Variants in MDGA2 observed in about 807,000 individuals in gnomAD.
MDGA2 encodes MAM domain-containing glycosylphosphatidylinositol anchor protein 2.
A neutral mutation model predicts 117.8 loss-of-function variants in MDGA2; 40 were observed. That is an observed-to-expected ratio of 0.34 (90% CI 0.26 to 0.44). MDGA2 has a LOEUF of 0.44. Ranked by LOEUF, MDGA2 falls within the 20% of genes least tolerant of loss-of-function variation. The probability of loss-of-function intolerance (pLI) is 1.00; values close to 1 mark genes in which losing one functional copy is unlikely to be tolerated. For synonymous variants in MDGA2, 452 were observed against 439.0 expected, an observed-to-expected ratio of 1.03 and a Z score of -0.37; for missense variants, 1,123 against 1,250.6, an observed-to-expected ratio of 0.90 and a Z score of 1.54.
chr14:46,923,169 C>A lies in MDGA2; in HGVS notation c.2090-3009G>T, dbSNP rs542770583. Among the ~76,000 whole-genome samples the A allele has an allele frequency of 5.5e-4, 84 of 152,048 alleles. 1 individual carries two copies. The highest frequency in any genetic ancestry group is 2.9e-3 in the Admixed American group (45 of 15,266). On this transcript the variant is annotated intron_variant, in intron 9 of 16. Transcript: ENST00000399232. ...GTAAAAAATTAAGCTCCAATCTAAC[C>A]CATTAAAATATTGCAAATATATCAA...
chr14:47,338,652 G>C (rs1890530543), intron 1 of MDGA2, among the ~76,000 whole-genome samples: 1 of 152,002 alleles, frequency 6.6e-6, no homozygotes, highest in Non-Finnish European at 1.5e-5. Context: ...ATTCTGCAAA[G>C]ATGTAGTGGT....
At chr14:47,602,466 T>TA (rs11375173) in intron 1 of MDGA2, among the ~76,000 whole-genome samples, 22,885 of 149,186 alleles carry the variant, frequency 0.15, 1,893 homozygotes, top group Non-Finnish European at 0.2. Flanking sequence ...GCTCTTTATT[T>TA]AAAAAAAAAA....
chr14:47,327,312 G>C, intron 1 of MDGA2, among the ~76,000 whole-genome samples: 1 of 152,224 alleles, frequency 6.6e-6, no homozygotes, highest in East Asian at 1.9e-4. Context: ...GGGTTAGAGA[G>C]TGAGTATGGA....
intron 1 of MDGA2, among the ~76,000 whole-genome samples, chr14:47,633,032 A>G (rs1283493596): frequency 6.6e-6 from 1 of 152,182 alleles, no homozygotes; most frequent in East Asian, 1.9e-4. Context: ...ATGCTTGTAA[A>G]GTGGTTGGCA....
intron 1 of MDGA2, among the ~76,000 whole-genome samples, chr14:47,403,604 G>A (rs1306445787): frequency 6.6e-6 from 1 of 152,078 alleles, no homozygotes; most frequent in Non-Finnish European, 1.5e-5. Flanking sequence ...CTACTTGAAT[G>A]ACTCTTAGTT....
At chr14:47,585,539 T>G (rs1243008661) in intron 1 of MDGA2, among the ~76,000 whole-genome samples, 1 of 151,766 alleles carries the variant, frequency 6.6e-6, no homozygotes. Context: ...CGTACGGTAA[T>G]GCGCAGGAAA....
At position 47,421,325 on chromosome 14, in the gene MDGA2, C is replaced by G. The variant is rs186583842; in HGVS notation, c.281-119775G>C. 5.9e-3 allele frequency among the ~76,000 whole-genome samples: 905 copies of G among 152,226 alleles called. 7 individuals are homozygous for G. The highest frequency in any genetic ancestry group is 0.024 in the Middle Eastern group (7 of 294). ...TCAGCCAAGAAAAAACAAAACAGAA[C>G]AAACTAAATTGCAAATTGTGGGGAA... On this transcript the variant is annotated intron_variant, in intron 1 of 16. Transcript: ENST00000399232.
intron 9 of MDGA2, among the ~76,000 whole-genome samples, chr14:46,947,836 T>C (rs1435821363): frequency 6.6e-6 from 1 of 150,978 alleles, no homozygotes; most frequent in Non-Finnish European, 1.5e-5. Context: ...ACTTTCTAAT[T>C]TAAAAAAAAA....
intron 2 of MDGA2, among the ~76,000 whole-genome samples, chr14:47,290,519 C>T (rs1404256898): frequency 6.6e-6 from 1 of 152,078 alleles, no homozygotes; most frequent in Non-Finnish European, 1.5e-5. Context: ...AATTATGTTA[C>T]ATAAAGGTCT....
chr14:47,623,440 A>AT lies in MDGA2; in HGVS notation c.280+51076dup, dbSNP rs1253716380. Among the ~76,000 whole-genome samples the AT allele has an allele frequency of 5.3e-4, 81 of 152,342 alleles. 1 individual carries two copies. The Middle Eastern group carries it at 0.01, about 19-fold the overall frequency. ...TGGTCTCAATGAAACTAATGCATAG[A>AT]TTTTTTTAAAAAATTAGGTCACATA... On this transcript the variant is annotated intron_variant, in intron 1 of 16. Transcript: ENST00000399232.
chr14:47,322,033 C>G (rs1238620647), intron 1 of MDGA2, among the ~76,000 whole-genome samples: 1 of 151,978 alleles, frequency 6.6e-6, no homozygotes, highest in Non-Finnish European at 1.5e-5. Flanking sequence ...TTTAAAAATA[C>G]TCAACTTCAA....
chr14:47,499,759 C>T lies in MDGA2; in HGVS notation c.280+174758G>A, dbSNP rs79534361. Among the ~76,000 whole-genome samples the T allele has an allele frequency of 4.5e-3, 684 of 152,204 alleles. 3 individuals are homozygous for T. Among genetic ancestry groups the T allele is most frequent in the African/African-American group, 0.015 (638 of 41,544 alleles). ...CTAAATCACGACATCCAGGCTCTGT[C>T]TCCCTAGAAGGGGCAGTTCGTAGGC... is the stretch of plus-strand genomic sequence containing the variant. On this transcript the variant is annotated intron_variant, in intron 1 of 16. Transcript: ENST00000399232.
At chr14:47,170,847 T>C (rs570196819) in intron 3 of MDGA2, among the ~76,000 whole-genome samples, 5 of 152,286 alleles carry the variant, frequency 3.3e-5, no homozygotes, top group African/African-American at 9.6e-5. Flanking sequence ...TAGATGAAAG[T>C]TGGCTAACCT....
chr14:47,002,016 T>C (rs1887547974), intron 8 of MDGA2, among the ~76,000 whole-genome samples: 1 of 152,072 alleles, frequency 6.6e-6, no homozygotes, highest in Non-Finnish European at 1.5e-5. Context: ...GTATCTGTTA[T>C]CTCCAGGTTG....
At chr14:47,144,644 CTCTT>C (rs1882863797) in intron 3 of MDGA2, among the ~76,000 whole-genome samples, 1 of 151,688 alleles carries the variant, frequency 6.6e-6, no homozygotes, top group Non-Finnish European at 1.5e-5. Flanking sequence ...GCTTGACTTA[CTCTT>C]TCTCTTTTTT....
rs906564125 is a variant in MDGA2 at position 47,395,684 on chromosome 14, A to G, written c.281-94134T>C. 3.9e-5 allele frequency among the ~76,000 whole-genome samples: 6 copies of G among 152,176 alleles called. No individual in the cohort carries two copies. In the South Asian group the frequency reaches 1.2e-3, roughly 31 times the overall value. On this transcript the variant is annotated intron_variant, in intron 1 of 16. Transcript: ENST00000399232. ...TGACTGAATTATAGACAATGAACAT[A>G]TTAATAATTATGATATATTATCAGA...
chr14:47,131,905 T>C, intron 4 of MDGA2, 59 bp from the exon 5 acceptor site: 1 of 1,336,480 alleles, frequency 7.5e-7, no homozygotes, highest in East Asian at 2.5e-5. Flanking sequence ...CCAGAATGAA[T>C]GAAACATCAC....
intron 1 of MDGA2, among the ~76,000 whole-genome samples, chr14:47,496,945 T>C (rs1894293998): frequency 6.6e-6 from 1 of 151,958 alleles, no homozygotes; most frequent in African/African-American, 2.4e-5. Flanking sequence ...CATTAGATTC[T>C]CATAAGGAGC....
chr14:47,133,038 A>C (rs188925424), intron 4 of MDGA2, among the ~76,000 whole-genome samples: 1 of 151,660 alleles, frequency 6.6e-6, no homozygotes, highest in African/African-American at 2.4e-5. Flanking sequence ...AATTGTGGCC[A>C]TAAGTATTTT....
Sources: allele counts gnomAD v4.1 joint callset (sites outside exome capture counted in the v4.1 genomes callset), GRCh38; gene constraint gnomAD v4.1.1; transcripts MANE v1.5; gene names NCBI Gene and HGNC (gene_info 2026-07-23, HGNC 2026-07-21).